RTN1: variants seen among roughly 807,000 people sequenced by gnomAD.
RTN1 encodes the protein reticulon 1, also known as reticulon-1.
A neutral mutation model predicts 65.5 loss-of-function variants in RTN1; 25 were observed. The ratio of observed to expected loss-of-function variants is 0.38; its 90% CI spans 0.28 to 0.53. RTN1 has a LOEUF of 0.53. Among genes scored for constraint, RTN1 ranks in the 20% least tolerant of loss-of-function variants. RTN1 has a pLI of 0.79. For synonymous variants in RTN1, 471 were observed against 447.6 expected, an observed-to-expected ratio of 1.05 and a Z score of -0.66; for missense variants, 983 against 1,025.4, an observed-to-expected ratio of 0.96 and a Z score of 0.57.
At chr14:59,851,501 G>A (rs997329466) in intron 1 of RTN1, among the ~76,000 whole-genome samples, 1 of 152,148 alleles carries the variant, frequency 6.6e-6, no homozygotes, top group Non-Finnish European at 1.5e-5. Context: ...TATTTCTCTA[G>A]AAAGTATATT....
intron 3 of RTN1, among the ~76,000 whole-genome samples, chr14:59,673,969 T>A (rs1254205777): frequency 6.6e-6 from 1 of 152,226 alleles, no homozygotes; most frequent in African/African-American, 2.4e-5. Context: ...GTTTTACTTG[T>A]ATTCATGGTA....
chr14:59,795,812 C>T (rs78648656), intron 1 of RTN1, among the ~76,000 whole-genome samples: 1,939 of 152,174 alleles, frequency 0.013, 38 homozygotes, highest in African/African-American at 0.043. Context: ...TCACAGAAGA[C>T]GAATTTTAGA....
At chr14:59,619,219 C>T (rs919299601) in intron 3 of RTN1, among the ~76,000 whole-genome samples, 1 of 152,178 alleles carries the variant, frequency 6.6e-6, no homozygotes, top group Non-Finnish European at 1.5e-5. Context: ...AGCTGGGTGA[C>T]TGAGTAATTA....
At chr14:59,765,388 C>G (rs1039337712) in intron 1 of RTN1, among the ~76,000 whole-genome samples, 7 of 152,134 alleles carry the variant, frequency 4.6e-5, no homozygotes, top group Non-Finnish European at 8.8e-5. Context: ...TTTATACAGG[C>G]TAAAGAATAG....
chr14:59,868,126 G>T lies in RTN1; in HGVS notation c.241+2264C>A, dbSNP rs1887829380. Reference sequence around the variant, plus strand: ...AATAACAGACCAGGAAGCTGGACAAGATTTGTTTGGAATTTTAAGATCTAG... The same window carrying T: ...AATAACAGACCAGGAAGCTGGACAATATTTGTTTGGAATTTTAAGATCTAG... On this transcript the variant is annotated intron_variant, in intron 1 of 8. Coordinates refer to ENST00000267484, the MANE Select transcript of RTN1 (RefSeq NM_021136.3). This position sits in a 1 kb window ranked among gnomAD's most constrained non-coding sequence, Gnocchi z 4.0. Among the ~76,000 whole-genome samples, 1 of 152,192 alleles carries T rather than the reference G, an allele frequency of 6.6e-6. No homozygotes were observed. Among genetic ancestry groups the T allele is most frequent in the South Asian group, 2.1e-4 (1 of 4,834 alleles).
chr14:59,603,324 A>G, intron 6 of RTN1, 66 bp from the exon 7 acceptor site: 3 of 1,186,270 alleles, frequency 2.5e-6, no homozygotes, highest in Non-Finnish European at 3.7e-6. Context: ...TTATAGACAC[A>G]TTTTTATATG....
Position 59,870,301 on chromosome 14 carries a change from G to C in RTN1, c.241+89C>G. The stretch of plus-strand genomic sequence containing the variant: ...CGGCGCTCAAGGCAGAAAGCGCGAG[G>C]CAGGTGCCCAGGAGAGCCGCGCAGA... On this transcript the variant is annotated intron_variant, in intron 1 of 8. Coordinates refer to ENST00000267484, the MANE Select transcript of RTN1 (RefSeq NM_021136.3). This position sits in a 1 kb window ranked among gnomAD's most constrained non-coding sequence, Gnocchi z 5.1. The C allele has an allele frequency of 7.8e-7, 1 of 1,278,984 alleles. No individual in the cohort carries two copies. The highest frequency in any genetic ancestry group is 2.3e-5 in the South Asian group (1 of 43,248). 79.2% of individuals were successfully genotyped at this position (1,278,984 alleles called of 1,614,324 possible).
chr14:59,725,926 A>T (rs928935995), intron 3 of RTN1, among the ~76,000 whole-genome samples: 1 of 152,258 alleles, frequency 6.6e-6, no homozygotes, highest in African/African-American at 2.4e-5. Context: ...CAAAGAAAGC[A>T]CTTCTAAAGG....
chr14:59,774,774 C>T lies in RTN1; in HGVS notation c.242-28293G>A, dbSNP rs73302013. On this transcript the variant is annotated intron_variant, in intron 1 of 8. Coordinates refer to ENST00000267484, the MANE Select transcript of RTN1 (RefSeq NM_021136.3). This position sits in a 1 kb window ranked among gnomAD's most constrained non-coding sequence, Gnocchi z 5.1. ...GGAGTGGTATGGTAAAATCAGCCAACAGCCAACTCACAACATCTCCCCAAG... is the reference window on the plus strand; with the variant it reads ...GGAGTGGTATGGTAAAATCAGCCAATAGCCAACTCACAACATCTCCCCAAG... Among the ~76,000 whole-genome samples, 1,245 of 152,260 alleles carry T rather than the reference C, an allele frequency of 8.2e-3. 19 individuals are homozygous for T. The highest frequency in any genetic ancestry group is 0.028 in the African/African-American group (1,182 of 41,556).
chr14:59,815,794 C>T (rs1326276310), intron 1 of RTN1, among the ~76,000 whole-genome samples: 6 of 152,162 alleles, frequency 3.9e-5, no homozygotes, highest in East Asian at 1.9e-4. Flanking sequence ...CCTGACCTCC[C>T]TTCCTAGAGT....
intron 3 of RTN1, chr14:59,610,216 G>A: frequency 1.4e-6 from 1 of 724,264 alleles, no homozygotes; most frequent in East Asian, 2.6e-5. Flanking sequence ...GCACTTCATG[G>A]ACTTTCCTTG....
intron 1 of RTN1, among the ~76,000 whole-genome samples, chr14:59,758,762 C>A (rs1885690811): frequency 6.6e-6 from 1 of 152,182 alleles, no homozygotes; most frequent in Non-Finnish European, 1.5e-5. Flanking sequence ...CTGTGCAAAG[C>A]AATTACTGAT....
intron 3 of RTN1, among the ~76,000 whole-genome samples, chr14:59,658,056 G>T (rs1180007959): frequency 6.6e-6 from 1 of 152,220 alleles, no homozygotes; most frequent in Non-Finnish European, 1.5e-5. Flanking sequence ...CAGGTTGGTG[G>T]GGGGAGGGGC....
chr14:59,664,782 T>C (rs1485862939), intron 3 of RTN1, among the ~76,000 whole-genome samples: 5 of 152,192 alleles, frequency 3.3e-5, no homozygotes, highest in Admixed American at 6.5e-5. Flanking sequence ...CTTCTGACTA[T>C]TATAACTGCT....
At chr14:59,767,266 AT>A (rs1247106397) in intron 1 of RTN1, among the ~76,000 whole-genome samples, 1 of 152,194 alleles carries the variant, frequency 6.6e-6, no homozygotes, top group Non-Finnish European at 1.5e-5. Context: ...TCTGGATCAC[AT>A]GCTTAAAGAA....
At chr14:59,758,714 A>G (rs1008014520) in intron 1 of RTN1, among the ~76,000 whole-genome samples, 1 of 152,214 alleles carries the variant, frequency 6.6e-6, no homozygotes, top group Admixed American at 6.5e-5. Flanking sequence ...ATACTTGTTA[A>G]GAAACATTTC....
chr14:59,677,344 T>A (rs1335945310), intron 3 of RTN1, among the ~76,000 whole-genome samples: 2 of 152,234 alleles, frequency 1.3e-5, no homozygotes, highest in African/African-American at 4.8e-5. Context: ...ATTCAAGACA[T>A]CTTTTTCCAG....
At chr14:59,806,931 T>C (rs1303561572) in intron 1 of RTN1, among the ~76,000 whole-genome samples, 1 of 152,236 alleles carries the variant, frequency 6.6e-6, no homozygotes, top group Non-Finnish European at 1.5e-5. Flanking sequence ...CATTTTTAAA[T>C]GGAATTTTAA....
intron 3 of RTN1, chr14:59,607,717 T>C (rs1566658838): frequency 1.8e-6 from 1 of 558,000 alleles, no homozygotes; most frequent in Non-Finnish European, 3.2e-6. Flanking sequence ...AATTCACATA[T>C]AAGAAAAGAC....
Sources: gnomAD v4.1 joint callset for allele counts (sites outside exome capture counted in the v4.1 genomes callset) on GRCh38, gnomAD v4.1.1 for gene constraint, Gnocchi (gnomAD v3.1) non-coding constraint, MANE v1.5 for transcripts, NCBI Gene and HGNC (gene_info 2026-07-23, HGNC 2026-07-21) for gene names.